CHP1: variants seen among roughly 807,000 people sequenced by gnomAD.
CHP1 encodes calcineurin B homologous protein 1.
CHP1 carries 11 observed loss-of-function variants against 27.4 expected under a neutral mutation model. The ratio of observed to expected loss-of-function variants is 0.40; its 90% CI spans 0.25 to 0.67. The LOEUF (loss-of-function observed/expected upper bound fraction) is 0.67. Ranked by LOEUF, CHP1 falls within the 30% of genes least tolerant of loss-of-function variation. The probability of loss-of-function intolerance (pLI) is 0.38; values close to 1 mark genes in which losing one functional copy is unlikely to be tolerated. For synonymous variants in CHP1, 89 were observed against 87.4 expected (o/e 1.02, Z -0.10); for missense variants, 169 against 251.3 (o/e 0.67, Z 2.22).
chr15:41,252,396 T>C (rs1014256535), intron 2 of CHP1, among the ~76,000 whole-genome samples: 42 of 151,594 alleles, frequency 2.8e-4, no homozygotes, highest in African/African-American at 9.4e-4. Flanking sequence ...GTCTAACTCC[T>C]GACCTCATGA....
Position 41,231,422 on chromosome 15 carries a change from CTCGAGGAGA to C in CHP1, c.43_51del (p.Glu15_Ile17del). The C allele has an allele frequency of 6.2e-7, 1 of 1,605,016 alleles. No individual in the cohort carries two copies. The highest frequency in any genetic ancestry group is 1.1e-5 in the South Asian group (1 of 89,126). ...CTCCACGTTACTGCGGGACGAAGAG[CTCGAGGAGA>C]TCAAGAAGGAGACCGGCTGTGAGTT... is the stretch of plus-strand genomic sequence containing the variant. On this transcript the variant is annotated inframe_deletion, in exon 1 of 7. Transcript: ENST00000334660.
chr15:41,270,788 T>A (rs1432424661), intron 5 of CHP1, among the ~76,000 whole-genome samples, 170 bp downstream of exon 5: 1 of 152,186 alleles, frequency 6.6e-6, no homozygotes, highest in East Asian at 1.9e-4. Context: ...AATGGCTCAT[T>A]GTGTTTTCAT....
chr15:41,267,588 G>A (rs1184404244), intron 4 of CHP1, among the ~76,000 whole-genome samples: 1 of 151,664 alleles, frequency 6.6e-6, no homozygotes, highest in Non-Finnish European at 1.5e-5. Context: ...CTTGAACCCG[G>A]GAGGCAGAGG....
At chr15:41,247,938 C>T (rs771242719) in intron 2 of CHP1, among the ~76,000 whole-genome samples, 28 of 151,982 alleles carry the variant, frequency 1.8e-4, no homozygotes, top group Non-Finnish European at 3.4e-4. Flanking sequence ...CACCATACTC[C>T]AGCCTGGGCG....
At position 41,262,834 on chromosome 15, in the gene CHP1, A is replaced by G. The variant is rs1191582565; in HGVS notation, c.300A>G (p.Lys100=). ...FRPIEDNEKS[K]DVNGPEPLNS... is the part of the protein sequence containing the mutation. ...CCATTGAGGATAATGAAAAGAGCAA[A>G]GATGTGAATGGACCCGAACCACTCA... The change falls in exon 4 of 7, where the codon AAA becomes AAG. Residue 100 remains lysine (K), a synonymous_variant. Transcript: ENST00000334660. 1 of 1,614,156 alleles carries G rather than the reference A, an allele frequency of 6.2e-7. No homozygotes were observed. The highest frequency in any genetic ancestry group is 1.7e-5 in the Admixed American group (1 of 60,026).
chr15:41,234,815 C>T (rs976259714), intron 1 of CHP1, among the ~76,000 whole-genome samples: 4 of 152,050 alleles, frequency 2.6e-5, no homozygotes, highest in Non-Finnish European at 4.4e-5. Context: ...AGTTAACAAT[C>T]GTCTTATTGG....
At chr15:41,266,877 G>A (rs2047463962) in intron 4 of CHP1, among the ~76,000 whole-genome samples, 1 of 152,042 alleles carries the variant, frequency 6.6e-6, no homozygotes. Flanking sequence ...GTGGATACCT[G>A]TAATCCCAGC....
chr15:41,250,987 A>G (rs931878970), intron 2 of CHP1, among the ~76,000 whole-genome samples: 10 of 151,994 alleles, frequency 6.6e-5, no homozygotes, highest in Admixed American at 2.0e-4. Flanking sequence ...GGCGTGCACT[A>G]CCACGCCCAG....
chr15:41,276,147 A>C (rs1321216813), intron 5 of CHP1, among the ~76,000 whole-genome samples: 4 of 151,708 alleles, frequency 2.6e-5, no homozygotes, highest in Non-Finnish European at 5.9e-5. Context: ...AGGCTGAGGC[A>C]GGAGAATCGC....
chr15:41,262,927 T>G (rs372796080), intron 4 of CHP1, 44 bp downstream of exon 4: 1 of 1,606,924 alleles, frequency 6.2e-7, no homozygotes, highest in Non-Finnish European at 8.5e-7. Context: ...TGCTTTTCAT[T>G]TCTTAAAAGT....
intron 2 of CHP1, among the ~76,000 whole-genome samples, chr15:41,250,198 T>C (rs554082748): frequency 5.3e-5 from 8 of 152,150 alleles, no homozygotes; most frequent in South Asian, 2.1e-4. Flanking sequence ...ATCTTTAATT[T>C]ACCTGGGTGA....
chr15:41,243,984 G>C (rs553866772), intron 2 of CHP1, among the ~76,000 whole-genome samples: 1 of 152,248 alleles, frequency 6.6e-6, no homozygotes, highest in Admixed American at 6.5e-5. Flanking sequence ...CGGATCATGA[G>C]GCCAGGAGGT....
At chr15:41,257,445 AACC>A (rs2047406158) in intron 3 of CHP1, among the ~76,000 whole-genome samples, 1 of 151,922 alleles carries the variant, frequency 6.6e-6, no homozygotes, top group African/African-American at 2.4e-5. Context: ...ATTTTCTAGT[AACC>A]ACATTTAAAA....
At chr15:41,241,514 C>T (rs1042282094) in intron 1 of CHP1, among the ~76,000 whole-genome samples, 7 of 152,208 alleles carry the variant, frequency 4.6e-5, no homozygotes, top group Non-Finnish European at 8.8e-5. Flanking sequence ...ATCTGTCTGC[C>T]TAACCCTCAC....
intron 1 of CHP1, among the ~76,000 whole-genome samples, chr15:41,234,868 G>T (rs567115099): frequency 6.6e-6 from 1 of 152,252 alleles, no homozygotes; most frequent in South Asian, 2.1e-4. Flanking sequence ...ACTATGTGTA[G>T]GGCTATATCA....
chr15:41,244,154 C>T (rs1965139), intron 2 of CHP1, among the ~76,000 whole-genome samples: 70,487 of 149,524 alleles, frequency 0.47, 17,312 homozygotes, highest in African/African-American at 0.61. Context: ...GCAAAGATCA[C>T]GCCACTGCAC....
At chr15:41,268,778 C>A (rs1391276294) in intron 4 of CHP1, among the ~76,000 whole-genome samples, 1 of 151,870 alleles carries the variant, frequency 6.6e-6, no homozygotes, top group Non-Finnish European at 1.5e-5. Context: ...CACGGTGAAA[C>A]CCTGTCTGTA....
chr15:41,257,793 C>T (rs1414969356), intron 3 of CHP1, among the ~76,000 whole-genome samples: 2 of 152,202 alleles, frequency 1.3e-5, no homozygotes, highest in Non-Finnish European at 2.9e-5. Flanking sequence ...CTCCTGACCT[C>T]AGGTGATCCG....
chr15:41,243,592 T>C (rs2047317964), intron 1 of CHP1, 75 bp from the exon 2 acceptor site: 9 of 1,176,940 alleles, frequency 7.6e-6, no homozygotes, highest in South Asian at 3.8e-5. Flanking sequence ...TTTTGAAGCA[T>C]TTGACAGCGA....
Sources: allele counts gnomAD v4.1 joint callset (sites outside exome capture counted in the v4.1 genomes callset), GRCh38; gene constraint gnomAD v4.1.1; transcripts MANE v1.5; gene names NCBI Gene and HGNC (gene_info 2026-07-23, HGNC 2026-07-21).